The following IGSF21 variants were observed in gnomAD, a reference collection of about 807,000 sequenced individuals.
IGSF21 encodes immunoglobin superfamily member 21.
In IGSF21, 28 loss-of-function variants were observed where a neutral mutation model predicts 46.8. The observed-to-expected ratio is 0.60, with a 90% CI of 0.44 to 0.82. The LOEUF is 0.82. Ranked by LOEUF, IGSF21 falls within the 40% of genes least tolerant of loss-of-function variation. IGSF21 has a pLI of 0.00. For missense variants in IGSF21, 624 were observed against 665.5 expected (o/e 0.94, Z 0.69); for synonymous variants, 284 against 273.6 (o/e 1.04, Z -0.38).
intron 6 of IGSF21, 79 bp from the exon 7 acceptor site, chr1:18,376,231 C>T: frequency 2.0e-6 from 2 of 979,846 alleles, no homozygotes; most frequent in South Asian, 1.3e-5. Flanking sequence ...ATGTTGATTG[C>T]TAGACTAGAA....
intron 1 of IGSF21, among the ~76,000 whole-genome samples, chr1:18,129,589 C>T (rs1390829735): frequency 2.0e-5 from 3 of 152,120 alleles, no homozygotes; most frequent in Non-Finnish European, 4.4e-5. Flanking sequence ...TGGGTGGAGG[C>T]ATACAGGCCA....
chr1:18,186,888 GA>G (rs2086907879), intron 1 of IGSF21, among the ~76,000 whole-genome samples: 1 of 151,970 alleles, frequency 6.6e-6, no homozygotes, highest in Admixed American at 6.6e-5. Flanking sequence ...CTCACTGATG[GA>G]GGCCTTCCTG....
intron 4 of IGSF21, among the ~76,000 whole-genome samples, chr1:18,350,283 A>T (rs980734135): frequency 3.3e-5 from 5 of 152,188 alleles, no homozygotes; most frequent in African/African-American, 1.2e-4. Context: ...GGTGGGGAGC[A>T]GGAGTGAGGG....
At chr1:18,159,700 T>A (rs2086599346) in intron 1 of IGSF21, among the ~76,000 whole-genome samples, 1 of 150,986 alleles carries the variant, frequency 6.6e-6, no homozygotes, top group African/African-American at 2.4e-5. Flanking sequence ...TTTTTTTTTT[T>A]GAGAGAGAGT....
At chr1:18,157,532 T>C (rs961399415) in intron 1 of IGSF21, among the ~76,000 whole-genome samples, 5 of 151,940 alleles carry the variant, frequency 3.3e-5, no homozygotes, top group African/African-American at 1.2e-4. Context: ...AGGCAGGGGG[T>C]TCATTCATCT....
At chr1:18,142,614 G>A (rs968287739) in intron 1 of IGSF21, among the ~76,000 whole-genome samples, 2 of 152,176 alleles carry the variant, frequency 1.3e-5, no homozygotes, top group East Asian at 3.9e-4. Context: ...AGAAGGAGCC[G>A]GGCTCTGAGC....
intron 3 of IGSF21, among the ~76,000 whole-genome samples, chr1:18,303,410 G>A (rs1338506974): frequency 6.6e-6 from 1 of 152,180 alleles, no homozygotes; most frequent in Non-Finnish European, 1.5e-5. Flanking sequence ...CCCAGCTGAG[G>A]AGGCTGAGCC....
chr1:18,202,683 C>A (rs553579970), intron 1 of IGSF21, among the ~76,000 whole-genome samples: 7 of 152,284 alleles, frequency 4.6e-5, no homozygotes, highest in African/African-American at 1.4e-4. Flanking sequence ...GGGAAACCGG[C>A]CCCATAATCC....
chr1:18,194,254 G>A (rs1423778031), intron 1 of IGSF21, among the ~76,000 whole-genome samples: 8 of 152,160 alleles, frequency 5.3e-5, no homozygotes, highest in Non-Finnish European at 1.0e-4. Context: ...GGAGGAGAGC[G>A]AACATGTTTC....
chr1:18,346,372 G>C (rs1313853521), intron 4 of IGSF21, among the ~76,000 whole-genome samples: 2 of 152,106 alleles, frequency 1.3e-5, no homozygotes, highest in Non-Finnish European at 2.9e-5. Flanking sequence ...CCTATGGGCT[G>C]TCTCAAGGAA....
Position 18,322,772 on chromosome 1 carries a change from G to A in IGSF21, c.306-12120G>A, listed in dbSNP as rs1348097737. 1.3e-5 allele frequency among the ~76,000 whole-genome samples: 2 copies of A among 152,176 alleles called. No individual in the cohort carries two copies. Among genetic ancestry groups the A allele is most frequent in the Non-Finnish European group, 2.9e-5 (2 of 68,020 alleles). On this transcript the variant is annotated intron_variant, in intron 3 of 9. Coordinates refer to ENST00000251296, the MANE Select transcript of IGSF21 (RefSeq NM_032880.5). This position sits in a 1 kb window ranked among gnomAD's most constrained non-coding sequence, Gnocchi z 4.3. ...AGGCTGACCAGTGAGGGGCTAAGTG[G>A]ATCAGTCAGGACCTGGAGGAGGAAG...
chr1:18,136,736 G>A (rs1472003093), intron 1 of IGSF21, among the ~76,000 whole-genome samples: 1 of 152,156 alleles, frequency 6.6e-6, no homozygotes, highest in Non-Finnish European at 1.5e-5. Context: ...ACTTGGCGAT[G>A]CGGGCTCTTT....
chr1:18,313,463 T>G (rs539673897), intron 3 of IGSF21, among the ~76,000 whole-genome samples: 1 of 152,192 alleles, frequency 6.6e-6, no homozygotes, highest in Non-Finnish European at 1.5e-5. Flanking sequence ...ATCTCTAAAA[T>G]GGACATGATG....
At chr1:18,277,058 G>A (rs1016658070) in intron 2 of IGSF21, among the ~76,000 whole-genome samples, 6 of 152,202 alleles carry the variant, frequency 3.9e-5, no homozygotes, top group Non-Finnish European at 7.4e-5. Flanking sequence ...AGACCCAGGG[G>A]CCTGTGTTCT....
chr1:18,108,317 C>T (rs1570229317), intron 1 of IGSF21, 119 bp downstream of exon 1: 3 of 1,091,396 alleles, frequency 2.7e-6, no homozygotes, highest in East Asian at 3.5e-5. Flanking sequence ...CCGGTCCTGC[C>T]CGGGGTCTGT....
intron 1 of IGSF21, among the ~76,000 whole-genome samples, chr1:18,125,560 G>C (rs901855890): frequency 3.3e-5 from 5 of 152,326 alleles, no homozygotes; most frequent in African/African-American, 1.2e-4. Context: ...GGAAGGGAGA[G>C]TTCACTTCCT....
intron 3 of IGSF21, among the ~76,000 whole-genome samples, chr1:18,301,694 T>A (rs1436857601): frequency 6.6e-6 from 1 of 152,174 alleles, no homozygotes. Flanking sequence ...TAGGGGAGAC[T>A]GACACGTGAG....
intron 1 of IGSF21, among the ~76,000 whole-genome samples, chr1:18,126,430 G>C (rs979808340): frequency 6.6e-6 from 1 of 152,078 alleles, no homozygotes; most frequent in Non-Finnish European, 1.5e-5. Flanking sequence ...GAGGCCTTTG[G>C]GTTGTCCCAG....
At chr1:18,170,612 G>C (rs2086727325) in intron 1 of IGSF21, among the ~76,000 whole-genome samples, 1 of 151,976 alleles carries the variant, frequency 6.6e-6, no homozygotes, top group Non-Finnish European at 1.5e-5. Flanking sequence ...CCATCTTACA[G>C]ATGGAGGAAG....
Sources: allele counts gnomAD v4.1 joint callset (sites outside exome capture counted in the v4.1 genomes callset), GRCh38; gene constraint gnomAD v4.1.1; non-coding constraint Gnocchi (gnomAD v3.1); transcripts MANE v1.5; gene names NCBI Gene and HGNC (gene_info 2026-07-23, HGNC 2026-07-21).